POLR3H: variants seen among roughly 807,000 people sequenced by gnomAD.
POLR3H encodes the protein RNA polymerase III subunit H.
A neutral mutation model predicts 25.5 loss-of-function variants in POLR3H; 17 were observed. The ratio of observed to expected loss-of-function variants is 0.67; its 90% confidence interval spans 0.46 to 1.00. POLR3H has a LOEUF of 1.00. Ranked by LOEUF, POLR3H falls within the 50% of genes least tolerant of loss-of-function variation. POLR3H has a pLI of 0.00. For synonymous variants in POLR3H, 129 were observed against 103.0 expected (o/e 1.25, Z -1.53); for missense variants, 274 against 265.0 (o/e 1.03, Z -0.24).
chr22:41,534,628 A>G lies in POLR3H; in HGVS notation c.209-1883T>C, dbSNP rs1286389166. Among the ~76,000 whole-genome samples the G allele has an allele frequency of 2.0e-5, 3 of 152,134 alleles. No homozygotes were observed. The East Asian group carries it at 5.8e-4, about 29-fold the overall frequency. On this transcript the variant is annotated intron_variant, in intron 2 of 5. Coordinates refer to ENST00000355209, the MANE Select transcript of POLR3H (RefSeq NM_001018050.4). ...GGAATGGCCCCGCGCACGGTGGCTC[A>G]AGTCTGTAATCCCAGCACTTTGGGA...
chr22:41,527,738 C>A lies in POLR3H; in HGVS notation c.*1545G>T. ...AGCACCAGCGCACACTTGCTAGGGG[C>A]ACCCCTAGTGAAAGGGAGCAGACCA... is the stretch of plus-strand genomic sequence containing the variant. On this transcript the variant is annotated 3_prime_UTR_variant, in exon 6 of 6. Coordinates refer to ENST00000355209, the MANE Select transcript of POLR3H (RefSeq NM_001018050.4). 8.6e-7 allele frequency: 1 copy of A among 1,166,972 alleles called. No individual in the cohort carries two copies. The highest frequency in any genetic ancestry group is 1.2e-6 in the Non-Finnish European group (1 of 836,500). The allele number at this position is 1,166,972 out of a possible 1,614,324, so 72.3% of individuals were successfully genotyped here.
Position 41,532,160 on chromosome 22 carries a change from G to C in POLR3H, c.296-3C>G, listed in dbSNP as rs372068208. 1.9e-6 allele frequency: 3 copies of C among 1,613,540 alleles called. No individual in the cohort carries two copies. The African/African-American group carries it at 4.0e-5, about 22-fold the overall frequency. ...GTCATCGAAGAAGCCTAGAGAGACT[G>C]GAAGGAAGGAAGCAGGTGACGGCCT... On this transcript the variant is annotated splice_polypyrimidine_tract_variant and splice_region_variant and intron_variant, in intron 3 of 5. Coordinates refer to ENST00000355209, the MANE Select transcript of POLR3H (RefSeq NM_001018050.4).
chr22:41,540,702 T>C lies in POLR3H; in HGVS notation c.205A>G (p.Lys69Glu). ...CCCAGGGACAGAAGATACCCACCTT[T>C]GGTGTGTGATGCGCCATCCCCAGGG... ...VFPGDGASHT[K>E]VHFRCVVFHP... The change falls in exon 2 of 6, where the codon AAA (lysine) becomes GAA (glutamate). Residue 69 changes from lysine (K) to glutamate (E), a missense_variant. Transcript: ENST00000355209. The C allele has an allele frequency of 6.2e-7, 1 of 1,611,994 alleles. No homozygotes were observed. Among genetic ancestry groups the C allele is most frequent in the Non-Finnish European group, 8.5e-7 (1 of 1,178,068 alleles).
chr22:41,530,897 G>A lies in POLR3H; in HGVS notation c.360-9C>T, dbSNP rs2066716555. 2 of 1,613,416 alleles carry A rather than the reference G, an allele frequency of 1.2e-6. No individual in the cohort carries two copies. Among genetic ancestry groups the A allele is most frequent in the Non-Finnish European group, 8.5e-7 (1 of 1,179,942 alleles). ...CCTGCTCCGCTTCGTCGCTGAGGGG[G>A]TCCAGGGTCAAGGCAGCAACCAGAT... On this transcript the variant is annotated splice_polypyrimidine_tract_variant and intron_variant, in intron 4 of 5. Transcript: ENST00000355209.
rs9623413 is a variant in POLR3H at position 41,527,314 on chromosome 22, C to A, written c.*1969G>T. ...AACATGGCATCAGGTGGGTGGTGATCGGAGACGAGAACTACGGCGAGGGCT... is the reference window on the plus strand; with the variant it reads ...AACATGGCATCAGGTGGGTGGTGATAGGAGACGAGAACTACGGCGAGGGCT... On this transcript the variant is annotated 3_prime_UTR_variant, in exon 6 of 6. Coordinates refer to ENST00000355209, the MANE Select transcript of POLR3H (RefSeq NM_001018050.4). 5.0e-6 allele frequency: 8 copies of A among 1,614,118 alleles called. No homozygotes were observed. In the South Asian group the frequency reaches 7.7e-5, roughly 16 times the overall value.
intron 2 of POLR3H, among the ~76,000 whole-genome samples, chr22:41,536,286 T>G (rs1284303039): frequency 2.0e-5 from 3 of 151,044 alleles, no homozygotes; most frequent in Admixed American, 1.3e-4. Flanking sequence ...TCCCAGCTAC[T>G]CGGGAGGCTG....
intron 1 of POLR3H, among the ~76,000 whole-genome samples, chr22:41,542,371 C>A (rs1463946204): frequency 6.6e-6 from 1 of 151,976 alleles, no homozygotes; most frequent in Non-Finnish European, 1.5e-5. Context: ...GGTGTGAGCC[C>A]CCACGCCCGG....
chr22:41,528,277 T>C lies in POLR3H; in HGVS notation c.*1006A>G. Reference sequence around the variant, plus strand: ...GGCACTCAGGGGACAGCCCACCCACTGCAGGACCCTCTGGGCCCCAGGAAT... The same window carrying C: ...GGCACTCAGGGGACAGCCCACCCACCGCAGGACCCTCTGGGCCCCAGGAAT... On this transcript the variant is annotated 3_prime_UTR_variant, in exon 6 of 6. Coordinates refer to ENST00000355209, the MANE Select transcript of POLR3H (RefSeq NM_001018050.4). 1.2e-6 allele frequency: 1 copy of C among 865,384 alleles called. No homozygotes were observed. Among genetic ancestry groups the C allele is most frequent in the South Asian group, 1.8e-5 (1 of 56,310 alleles). The allele number at this position is 865,384 out of a possible 1,614,324, so 53.6% of individuals were successfully genotyped here.
Position 41,532,642 on chromosome 22 carries a change from G to C in POLR3H, c.295+17C>G. ...AGTGTTCCCAAGTCTTGTCTGAGGC[G>C]TCAGGGCCACTGTTACCGTGCACTC... On this transcript the variant is annotated intron_variant, in intron 3 of 5. Coordinates refer to ENST00000355209, the MANE Select transcript of POLR3H (RefSeq NM_001018050.4). The C allele has an allele frequency of 6.2e-7, 1 of 1,613,948 alleles. No homozygotes were observed. Among genetic ancestry groups the C allele is most frequent in the Non-Finnish European group, 8.5e-7 (1 of 1,179,916 alleles).
chr22:41,543,350 C>T (rs942865505), intron 1 of POLR3H, among the ~76,000 whole-genome samples: 1 of 151,926 alleles, frequency 6.6e-6, no homozygotes, highest in African/African-American at 2.4e-5. Context: ...TGCATTGACC[C>T]GAGGCGATGG....
chr22:41,529,857 A>G (rs569398093), intron 5 of POLR3H, among the ~76,000 whole-genome samples: 14 of 151,042 alleles, frequency 9.3e-5, no homozygotes, highest in East Asian at 1.9e-4. Context: ...CCGGGTTCAC[A>G]CCATTCTCCT....
At chr22:41,540,472 C>T in intron 2 of POLR3H, 1 of 555,624 alleles carries the variant, frequency 1.8e-6, no homozygotes, top group Non-Finnish European at 3.3e-6. Flanking sequence ...CACCCTCTGG[C>T]CATCTCTTTG....
In POLR3H at chr22:41,527,509, T is replaced by G; in HGVS notation, c.*1774A>C. 9.1e-5 allele frequency: 138 copies of G among 1,516,416 alleles called. No individual in the cohort carries two copies. Among genetic ancestry groups the G allele is most frequent in the Non-Finnish European group, 1.1e-4 (130 of 1,130,932 alleles). The allele number at this position is 1,516,416 out of a possible 1,614,324, so 93.9% of individuals were successfully genotyped here. On this transcript the variant is annotated 3_prime_UTR_variant, in exon 6 of 6. Transcript: ENST00000355209. ...TGCCCGTGGCTGAGTTGGGCCTGGTTCTAGGCTGTGTCCACTGCAGCCCAC... is the reference window on the plus strand; with the variant it reads ...TGCCCGTGGCTGAGTTGGGCCTGGTGCTAGGCTGTGTCCACTGCAGCCCAC...
intron 1 of POLR3H, among the ~76,000 whole-genome samples, chr22:41,543,584 G>A (rs1274484972): frequency 2.6e-5 from 4 of 152,120 alleles, no homozygotes; most frequent in Admixed American, 6.5e-5. Flanking sequence ...TCGCGCCACT[G>A]CACTCCAGCC....
chr22:41,526,257 C>G lies in POLR3H; in HGVS notation c.*3026G>C. On this transcript the variant is annotated 3_prime_UTR_variant, in exon 6 of 6. Transcript: ENST00000355209. ...GACCTCTGTCCTCTCTACTTACCAC[C>G]CAAGGTCAAAGGGAAGTGTACCACT... 1 of 1,610,794 alleles carries G rather than the reference C, an allele frequency of 6.2e-7. No individual in the cohort carries two copies.
Position 41,528,233 on chromosome 22 carries a change from C to A in POLR3H, c.*1050G>T. ...GGGGCCCTCACACCTCCCCAACCTC[C>A]CTTTACTCACCAGGACCTGGCACTC... On this transcript the variant is annotated 3_prime_UTR_variant, in exon 6 of 6. Transcript: ENST00000355209. 1.2e-6 allele frequency: 1 copy of A among 836,978 alleles called. No homozygotes were observed. The allele number at this position is 836,978 out of a possible 1,614,324, so 51.8% of individuals were successfully genotyped here.
rs190864956 is a variant in POLR3H at position 41,528,450 on chromosome 22, T to A, written c.*833A>T. ...GCCAAGGGCACACAGTACCCACCACTTCCACCCACACCCACCTTCTCCTTG... is the reference window on the plus strand; with the variant it reads ...GCCAAGGGCACACAGTACCCACCACATCCACCCACACCCACCTTCTCCTTG... On this transcript the variant is annotated 3_prime_UTR_variant, in exon 6 of 6. Transcript: ENST00000355209. 1.2e-6 allele frequency: 2 copies of A among 1,609,546 alleles called. No individual in the cohort carries two copies. Among genetic ancestry groups the A allele is most frequent in the Admixed American group, 3.3e-5 (2 of 59,902 alleles).
At position 41,544,168 on chromosome 22, in the gene POLR3H, A is replaced by C; in HGVS notation, c.-67T>G. 1 of 979,406 alleles carries C rather than the reference A, an allele frequency of 1.0e-6. No homozygotes were observed. The highest frequency in any genetic ancestry group is 1.6e-6 in the Non-Finnish European group (1 of 634,310). The allele number at this position is 979,406 out of a possible 1,614,324, so 60.7% of individuals were successfully genotyped here. ...ACGCACCAGGGCCGGGGGCAGGGAG[A>C]ATCCCCGAGCCCCTTGGTCCCGTCC... On this transcript the variant is annotated 5_prime_UTR_variant, in exon 1 of 6. It adds an upstream start codon to the 5' untranslated region. Transcript: ENST00000355209.
Position 41,528,176 on chromosome 22 carries a change from G to A in POLR3H, c.*1107C>T, listed in dbSNP as rs1475242980. The A allele has an allele frequency of 6.5e-6, 8 of 1,237,834 alleles. No homozygotes were observed. In the East Asian group the frequency reaches 7.2e-5, roughly 11 times the overall value. 76.7% of individuals were successfully genotyped at this position (1,237,834 alleles called of 1,614,324 possible). On this transcript the variant is annotated 3_prime_UTR_variant, in exon 6 of 6. Transcript: ENST00000355209. ...GGTGGCCCCACAGAGAAAGCAAAGT[G>A]GCTTCTCAGAGTTGGGGGTTGGAGT... is the stretch of plus-strand genomic sequence containing the variant.
Sources: allele counts gnomAD v4.1 joint callset (sites outside exome capture counted in the v4.1 genomes callset), GRCh38; gene constraint gnomAD v4.1.1; transcripts MANE v1.5; gene names NCBI Gene and HGNC (gene_info 2026-07-23, HGNC 2026-07-21).